KIAA0825: variants seen among roughly 807,000 people sequenced by gnomAD.
KIAA0825 encodes KIAA0825, also known as uncharacterized protein KIAA0825.
A neutral mutation model predicts 147.6 loss-of-function variants in KIAA0825; 119 were observed. The observed-to-expected ratio is 0.81, with a 90% CI of 0.69 to 0.94. The LOEUF (loss-of-function observed/expected upper bound fraction) is 0.94, where lower values mean the gene tolerates loss of function less well. Among genes scored for constraint, KIAA0825 ranks in the 40% least tolerant of loss-of-function variants. The pLI, the probability that KIAA0825 is intolerant of heterozygous loss-of-function variation, is 0.00. For missense variants in KIAA0825, 1,381 were observed against 1,472.7 expected (o/e 0.94, Z 1.02); for synonymous variants, 470 against 518.1 (o/e 0.91, Z 1.26).
At position 94,585,164 on chromosome 5, in the gene KIAA0825, C is replaced by T. The variant is rs867920837; in HGVS notation, c.-152-2581G>A. Among the ~76,000 whole-genome samples, 7 of 152,092 alleles carry T rather than the reference C, an allele frequency of 4.6e-5. No homozygotes were observed. The East Asian group carries it at 7.7e-4, about 17-fold the overall frequency. ...GTGAAATAACCAGCTAGCATCATAA[C>T]GACAGGATCAAATTCACACATAACA... On this transcript the variant is annotated intron_variant, in intron 1 of 20. Coordinates refer to ENST00000682413, the MANE Select transcript of KIAA0825 (RefSeq NM_001145678.3).
chr5:94,518,947 G>A (rs1767679068), intron 5 of KIAA0825, among the ~76,000 whole-genome samples: 2 of 152,060 alleles, frequency 1.3e-5, no homozygotes, highest in South Asian at 4.1e-4. Flanking sequence ...TTACAAGTAA[G>A]CAGGATTTTT....
chr5:94,574,404 T>C (rs1279850454), intron 2 of KIAA0825, among the ~76,000 whole-genome samples: 1 of 150,890 alleles, frequency 6.6e-6, no homozygotes, highest in Non-Finnish European at 1.5e-5. Context: ...ATTAGTCGGG[T>C]GTGTTGGTGT....
At chr5:94,510,340 G>A (rs1766307412) in intron 5 of KIAA0825, among the ~76,000 whole-genome samples, 1 of 152,124 alleles carries the variant, frequency 6.6e-6, no homozygotes, top group Non-Finnish European at 1.5e-5. Context: ...TCTCTGACTT[G>A]CACTTACCTG....
intron 5 of KIAA0825, among the ~76,000 whole-genome samples, chr5:94,518,685 C>T (rs553379945): frequency 6.6e-6 from 1 of 152,186 alleles, no homozygotes; most frequent in African/African-American, 2.4e-5. Context: ...ACAGTGCTCA[C>T]TTAATAATTG....
intron 14 of KIAA0825, among the ~76,000 whole-genome samples, chr5:94,435,335 T>C (rs1221867081): frequency 1.5e-5 from 2 of 136,458 alleles, no homozygotes; most frequent in Non-Finnish European, 1.5e-5. Context: ...CCTGCATGTG[T>C]TCATGTGTTC....
chr5:94,374,975 C>G (rs1429724914), intron 20 of KIAA0825, among the ~76,000 whole-genome samples: 2 of 151,854 alleles, frequency 1.3e-5, no homozygotes, highest in Non-Finnish European at 2.9e-5. Context: ...CTGGATCACG[C>G]TGTCTCCAGA....
At chr5:94,431,092 A>G (rs1046430609) in intron 14 of KIAA0825, among the ~76,000 whole-genome samples, 2 of 152,218 alleles carry the variant, frequency 1.3e-5, no homozygotes, top group African/African-American at 2.4e-5. Flanking sequence ...TAGAGAGCAC[A>G]GGAGTAATCA....
chr5:94,588,762 A>C (rs774737078), intron 1 of KIAA0825, among the ~76,000 whole-genome samples: 2 of 152,204 alleles, frequency 1.3e-5, no homozygotes, highest in Non-Finnish European at 2.9e-5. Context: ...GGCACTATTC[A>C]CAATATCACA....
intron 20 of KIAA0825, among the ~76,000 whole-genome samples, chr5:94,381,368 T>C (rs1034857064): frequency 6.6e-6 from 1 of 152,118 alleles, no homozygotes; most frequent in Middle Eastern, 3.2e-3. Flanking sequence ...AGATAGAAAA[T>C]ATTTGGGAAA....
intron 20 of KIAA0825, among the ~76,000 whole-genome samples, chr5:94,189,411 T>G (rs1203869108): frequency 6.6e-6 from 1 of 152,178 alleles, no homozygotes; most frequent in East Asian, 1.9e-4. Context: ...GTCTTCATAT[T>G]TATATCTAAA....
At chr5:94,349,184 T>C (rs1383326711) in intron 20 of KIAA0825, among the ~76,000 whole-genome samples, 2 of 152,098 alleles carry the variant, frequency 1.3e-5, no homozygotes, top group African/African-American at 4.8e-5. Context: ...GCAGCAGCAG[T>C]TAAAAGAGAC....
At chr5:94,549,009 G>A (rs1775001710) in intron 2 of KIAA0825, among the ~76,000 whole-genome samples, 1 of 152,128 alleles carries the variant, frequency 6.6e-6, no homozygotes, top group Non-Finnish European at 1.5e-5. Context: ...CTTACTTTCA[G>A]CATAGGACAG....
intron 1 of KIAA0825, among the ~76,000 whole-genome samples, chr5:94,598,007 G>C (rs1785620078): frequency 1.3e-5 from 2 of 152,044 alleles, no homozygotes; most frequent in Admixed American, 6.6e-5. Context: ...TGAAGGCCTA[G>C]GACATTACTG....
chr5:94,246,944 G>A (rs1228264166), intron 20 of KIAA0825, among the ~76,000 whole-genome samples: 2 of 152,154 alleles, frequency 1.3e-5, no homozygotes, highest in African/African-American at 4.8e-5. Flanking sequence ...AGTTTGGAAG[G>A]AAAGTGGAAG....
chr5:94,156,208 CAG>C (rs1363854343), intron 20 of KIAA0825, among the ~76,000 whole-genome samples: 1 of 152,114 alleles, frequency 6.6e-6, no homozygotes, highest in African/African-American at 2.4e-5. Context: ...TATTTGAACT[CAG>C]AGAGTCAGAA....
At chr5:94,248,454 A>G (rs1775745064) in intron 20 of KIAA0825, among the ~76,000 whole-genome samples, 1 of 152,162 alleles carries the variant, frequency 6.6e-6, no homozygotes, top group Non-Finnish European at 1.5e-5. Flanking sequence ...ATGGAAATAG[A>G]TTTGCCTAGA....
chr5:94,508,125 G>A (rs1490819809), intron 5 of KIAA0825, among the ~76,000 whole-genome samples: 1 of 148,976 alleles, frequency 6.7e-6, no homozygotes, highest in African/African-American at 2.6e-5. Flanking sequence ...TCTCACTGTG[G>A]TATGCAATTT....
At chr5:94,488,422 T>C (rs1763320864) in intron 5 of KIAA0825, among the ~76,000 whole-genome samples, 1 of 152,172 alleles carries the variant, frequency 6.6e-6, no homozygotes, top group African/African-American at 2.4e-5. Flanking sequence ...TCTTAGGAAA[T>C]ACACAGTTCT....
chr5:94,254,554 A>C (rs1197642722), intron 20 of KIAA0825, among the ~76,000 whole-genome samples: 1 of 152,174 alleles, frequency 6.6e-6, no homozygotes, highest in Non-Finnish European at 1.5e-5. Flanking sequence ...TTTTAAAATG[A>C]GACTTTTTGA....
Sources: allele counts gnomAD v4.1 joint callset (sites outside exome capture counted in the v4.1 genomes callset), GRCh38; gene constraint gnomAD v4.1.1; transcripts MANE v1.5; gene names NCBI Gene and HGNC (gene_info 2026-07-23, HGNC 2026-07-21).